RYR2: variants seen among roughly 807,000 people sequenced by gnomAD.
RYR2 encodes the protein cardiac muscle ryanodine receptor-calcium release channel.
A neutral mutation model predicts 601.1 loss-of-function variants in RYR2; 227 were observed. The ratio of observed to expected loss-of-function variants is 0.38; its 90% CI spans 0.34 to 0.42. The LOEUF is 0.42. Ranked by LOEUF, RYR2 falls within the 10% of genes least tolerant of loss-of-function variation. RYR2 has a pLI of 1.00. For missense variants in RYR2, 4,646 were observed against 6,156.5 expected (o/e 0.75, Z 8.21); for synonymous variants, 2,223 against 2,175.1 (o/e 1.02, Z -0.61).
chr1:237,226,868 A>G (rs1316990896), intron 1 of RYR2, among the ~76,000 whole-genome samples: 1 of 152,134 alleles, frequency 6.6e-6, no homozygotes, highest in Non-Finnish European at 1.5e-5. Flanking sequence ...TCCCGGGTTC[A>G]AGCGATTCTC....
At chr1:237,288,978 T>C (rs1189239365) in intron 2 of RYR2, among the ~76,000 whole-genome samples, 1 of 152,194 alleles carries the variant, frequency 6.6e-6, no homozygotes, top group Non-Finnish European at 1.5e-5. Flanking sequence ...CCAGGGCCTT[T>C]CTGCTGCTTC....
rs76745072 is a variant in RYR2, at chr1:237,044,879, G to C, written c.48+2310G>C. Among the ~76,000 whole-genome samples the C allele has an allele frequency of 6.6e-3, 989 of 150,732 alleles. 11 individuals carry two copies. Among genetic ancestry groups the C allele is most frequent in the African/African-American group, 0.023 (935 of 41,032 alleles). Reference sequence around the variant, plus strand: ...GTAGTATAGTTCCCACATTGAAGTCGCTTCTTTTTTTTCTGAGGGCATTTA... The same window carrying C: ...GTAGTATAGTTCCCACATTGAAGTCCCTTCTTTTTTTTCTGAGGGCATTTA... On this transcript the variant is annotated intron_variant, in intron 1 of 104. Transcript: ENST00000366574.
intron 23 of RYR2, among the ~76,000 whole-genome samples, chr1:237,508,899 C>T (rs529826165): frequency 2.3e-4 from 34 of 151,032 alleles, no homozygotes; most frequent in South Asian, 2.1e-3. Context: ...CCCGCTACCA[C>T]GCCCGGCTAA....
chr1:237,556,909 A>AAAAAAAC (rs1559022538), intron 27 of RYR2, among the ~76,000 whole-genome samples: 1 of 134,592 alleles, frequency 7.4e-6, no homozygotes. Context: ...AAAAAAAAAA[A>AAAAAAAC]CCCTCTCAGT....
intron 29 of RYR2, among the ~76,000 whole-genome samples, chr1:237,580,841 G>C (rs773378548): frequency 6.6e-6 from 1 of 151,590 alleles, no homozygotes; most frequent in Non-Finnish European, 1.5e-5. Context: ...ACCATGTGAG[G>C]ATACAGCCAG....
intron 43 of RYR2, 26 bp downstream of exon 43, chr1:237,633,736 T>C (rs1182802672): frequency 6.3e-7 from 1 of 1,587,860 alleles, no homozygotes; most frequent in Admixed American, 1.7e-5. Context: ...TTATTTCATC[T>C]TTAAGGTTGA....
At chr1:237,622,632 A>C (rs1230647046) in intron 38 of RYR2, among the ~76,000 whole-genome samples, 3 of 152,160 alleles carry the variant, frequency 2.0e-5, no homozygotes, top group African/African-American at 7.2e-5. Context: ...TATTCAGAAA[A>C]ATTCCACAAA....
chr1:237,199,408 C>G (rs12097699), intron 1 of RYR2, among the ~76,000 whole-genome samples: 97 of 152,296 alleles, frequency 6.4e-4, no homozygotes, highest in African/African-American at 2.2e-3. Context: ...TCCAAGAGTC[C>G]CAAAGCTGAA....
chr1:237,565,197 T>TTTG (rs1671915945), intron 27 of RYR2, among the ~76,000 whole-genome samples: 1 of 142,930 alleles, frequency 7.0e-6, no homozygotes, highest in African/African-American at 2.6e-5. Flanking sequence ...CTTTCTTTCT[T>TTTG]TCTTTCTTTC....
In RYR2 at chr1:237,709,482, C is replaced by A. The variant is rs1688652177; in HGVS notation, c.10145C>A (p.Ala3382Glu). 1 of 1,601,448 alleles carries A rather than the reference C, an allele frequency of 6.2e-7. No homozygotes were observed. Among genetic ancestry groups the A allele is most frequent in the South Asian group, 1.1e-5 (1 of 90,146 alleles). Residue 3382 changes from alanine to glutamate, a missense_variant and splice_region_variant, in exon 70 of 105, where the codon GCA (alanine) becomes GAA (glutamate). Transcript: ENST00000366574. Reference sequence around the variant, plus strand: ...ACTTTATTTATTATGTGATCCAGGGCAAAGTGGCTAAAGGAGCCTAACCCA... The same window carrying A: ...ACTTTATTTATTATGTGATCCAGGGAAAAGTGGCTAAAGGAGCCTAACCCA... ...LLIRFVDYNR[A>E]KWLKEPNPEA...
intron 68 of RYR2, among the ~76,000 whole-genome samples, chr1:237,708,421 C>A (rs943541022): frequency 2.0e-5 from 3 of 152,088 alleles, no homozygotes; most frequent in African/African-American, 7.2e-5. Flanking sequence ...GAGCAGTGTT[C>A]CATATAATCT....
intron 27 of RYR2, among the ~76,000 whole-genome samples, chr1:237,565,487 C>G (rs1404656023): frequency 1.3e-5 from 2 of 152,004 alleles, no homozygotes; most frequent in Non-Finnish European, 2.9e-5. Context: ...GGGCGCGATC[C>G]TCCCGCCTTG....
chr1:237,510,305 C>T (rs1055900223), intron 23 of RYR2, among the ~76,000 whole-genome samples: 1 of 152,086 alleles, frequency 6.6e-6, no homozygotes, highest in African/African-American at 2.4e-5. Context: ...TTTCTGGTTT[C>T]ATTGAGACAC....
intron 23 of RYR2, among the ~76,000 whole-genome samples, chr1:237,509,828 T>C (rs1665698604): frequency 6.6e-6 from 1 of 152,186 alleles, no homozygotes; most frequent in East Asian, 1.9e-4. Flanking sequence ...ACAAGATAGC[T>C]GGCAATCAGA....
intron 2 of RYR2, among the ~76,000 whole-genome samples, chr1:237,296,707 C>A (rs1490655022): frequency 1.3e-5 from 2 of 152,130 alleles, no homozygotes; most frequent in Non-Finnish European, 2.9e-5. Flanking sequence ...GTATTTAAAA[C>A]CACAGGTTGG....
intron 1 of RYR2, among the ~76,000 whole-genome samples, chr1:237,253,809 G>T (rs544477856): frequency 4.6e-5 from 7 of 152,286 alleles, no homozygotes; most frequent in Admixed American, 1.3e-4. Context: ...TTTACGGAAA[G>T]TCTACAAAAA....
intron 74 of RYR2, among the ~76,000 whole-genome samples, chr1:237,723,474 G>A (rs1689922042): frequency 6.6e-6 from 1 of 152,012 alleles, no homozygotes; most frequent in South Asian, 2.1e-4. Context: ...ATATATTTTG[G>A]GAGATCCTGG....
At chr1:237,508,398 G>A (rs1003990343) in intron 23 of RYR2, among the ~76,000 whole-genome samples, 1 of 150,922 alleles carries the variant, frequency 6.6e-6, no homozygotes, top group Non-Finnish European at 1.5e-5. Context: ...ACATTCTCCA[G>A]AAGTTTCAAA....
intron 8 of RYR2, among the ~76,000 whole-genome samples, chr1:237,379,499 A>C (rs962921268): frequency 1.3e-5 from 2 of 152,272 alleles, no homozygotes; most frequent in Non-Finnish European, 2.9e-5. Context: ...GCAGAATTAA[A>C]AAGCACTACA....
Sources: gnomAD v4.1 joint callset for allele counts (sites outside exome capture counted in the v4.1 genomes callset) on GRCh38, gnomAD v4.1.1 for gene constraint, MANE v1.5 for transcripts, NCBI Gene and HGNC (gene_info 2026-07-23, HGNC 2026-07-21) for gene names.